The following CNOT2 variants were observed in gnomAD, a reference collection of about 807,000 sequenced individuals.
The protein encoded by CNOT2 is CCR4-NOT transcription complex subunit 2, also known as CC chemokine receptor 4-negative regulator of transcription 2.
Under a neutral mutation model 72.1 loss-of-function variants are expected in CNOT2, and 7 were observed. That is an observed-to-expected ratio of 0.10 (90% CI 0.06 to 0.18). CNOT2 has a LOEUF of 0.18. Ranked by LOEUF, CNOT2 falls within the 10% of genes least tolerant of loss-of-function variation. The pLI, the probability that CNOT2 is intolerant of heterozygous loss-of-function variation, is 1.00. For synonymous variants in CNOT2, 196 were observed against 225.6 expected (o/e 0.87, Z 1.17); for missense variants, 345 against 660.3 (o/e 0.52, Z 5.23).
Position 70,249,620 on chromosome 12 carries a change from G to T in CNOT2, c.-96+6140G>T, listed in dbSNP as rs537732932. Among the ~76,000 whole-genome samples the T allele has an allele frequency of 2.6e-5, 4 of 152,060 alleles. No individual in the cohort carries two copies. In the East Asian group the frequency reaches 5.8e-4, roughly 22 times the overall value. ...GTTTTTGTTTGCATCTGATCATCTT[G>T]CAGATCCTGGATATTTAATCAAATT... On this transcript the variant is annotated intron_variant, in intron 1 of 15. Transcript: ENST00000229195.
In CNOT2 at chr12:70,307,143, T is replaced by C. The variant is rs115385430; in HGVS notation, c.49-3752T>C. Among the ~76,000 whole-genome samples, 425 of 152,334 alleles carry C rather than the reference T, an allele frequency of 2.8e-3. 1 individual carries two copies. The highest frequency in any genetic ancestry group is 8.6e-3 in the African/African-American group (358 of 41,570). On this transcript the variant is annotated intron_variant, in intron 2 of 15. Coordinates refer to ENST00000229195, the MANE Select transcript of CNOT2 (RefSeq NM_014515.7). ...AAAGGCTTAGGACATTACAGTATACTACTGTGGACATTGGAAACACTGTAC... is the reference window on the plus strand; with the variant it reads ...AAAGGCTTAGGACATTACAGTATACCACTGTGGACATTGGAAACACTGTAC...
chr12:70,269,589 C>T (rs1380753346), intron 1 of CNOT2, among the ~76,000 whole-genome samples: 1 of 152,062 alleles, frequency 6.6e-6, no homozygotes, highest in African/African-American at 2.4e-5. Flanking sequence ...AACTTTTAGA[C>T]TTGTGATGAA....
At chr12:70,332,713 A>T (rs1210839887) in intron 6 of CNOT2, 54 bp from the exon 7 acceptor site, 3 of 1,508,022 alleles carry the variant, frequency 2.0e-6, no homozygotes, top group African/African-American at 1.4e-5. Flanking sequence ...GTTTTTCTTC[A>T]TCTGAAAGTT....
chr12:70,322,620 A>G (rs1878475542), intron 4 of CNOT2: 1 of 151,728 alleles, frequency 6.6e-6, no homozygotes, highest in Admixed American at 6.6e-5. Context: ...TCTAGATGGA[A>G]GAAGAGCTAA....
chr12:70,284,548 A>G (rs1490594177), intron 2 of CNOT2, among the ~76,000 whole-genome samples: 1 of 150,656 alleles, frequency 6.6e-6, no homozygotes, highest in African/African-American at 2.4e-5. Flanking sequence ...TGCCGACCTA[A>G]TCTAAATTTT....
chr12:70,294,519 T>C (rs1872513458), intron 2 of CNOT2, among the ~76,000 whole-genome samples: 1 of 152,198 alleles, frequency 6.6e-6, no homozygotes, highest in Admixed American at 6.5e-5. Context: ...AATAAACTAT[T>C]AATATTATAA....
At chr12:70,278,535 A>G (rs1869254023) in intron 2 of CNOT2, 1 of 410,150 alleles carries the variant, frequency 2.4e-6, no homozygotes, top group Non-Finnish European at 4.4e-6. Context: ...ATTATTTGAT[A>G]TACAAGTTAT....
chr12:70,263,378 T>G (rs1407833236), intron 1 of CNOT2, among the ~76,000 whole-genome samples: 1 of 152,144 alleles, frequency 6.6e-6, no homozygotes, highest in Non-Finnish European at 1.5e-5. Context: ...CCTGAGGTTT[T>G]GTTCACATTT....
At position 70,257,737 on chromosome 12, in the gene CNOT2, A is replaced by G. The variant is rs137989521; in HGVS notation, c.-96+14257A>G. 4.3e-3 allele frequency among the ~76,000 whole-genome samples: 659 copies of G among 152,192 alleles called. 1 individual carries two copies. The highest frequency in any genetic ancestry group is 0.015 in the African/African-American group (629 of 41,516). ...TGTAATTAGCTATTACGCTAAAAAA[A>G]TTTTGTCTTTCATTCCACCACTAGA... On this transcript the variant is annotated intron_variant, in intron 1 of 15. Transcript: ENST00000229195.
intron 11 of CNOT2, among the ~76,000 whole-genome samples, chr12:70,339,924 G>A (rs929297318): frequency 1.3e-5 from 2 of 152,104 alleles, no homozygotes; most frequent in Non-Finnish European, 2.9e-5. Flanking sequence ...ATTGACCCAT[G>A]CGTTCTACTT....
intron 1 of CNOT2, among the ~76,000 whole-genome samples, chr12:70,272,350 TAGTC>T (rs1471706549): frequency 1.3e-5 from 2 of 152,124 alleles, no homozygotes; most frequent in Non-Finnish European, 2.9e-5. Flanking sequence ...TGAAAAGAGA[TAGTC>T]AAGCAGACAT....
At chr12:70,328,560 C>T (rs893828015) in intron 4 of CNOT2, among the ~76,000 whole-genome samples, 1 of 151,604 alleles carries the variant, frequency 6.6e-6, no homozygotes, top group South Asian at 2.1e-4. Flanking sequence ...AAAAAATAAA[C>T]GTATGCTGTC....
At chr12:70,318,773 GCA>G (rs766564576) in intron 3 of CNOT2, among the ~76,000 whole-genome samples, 24 of 151,724 alleles carry the variant, frequency 1.6e-4, no homozygotes, top group Non-Finnish European at 2.9e-4. Flanking sequence ...ACGCAAATAT[GCA>G]CACACACATA....
chr12:70,329,770 C>G (rs1014883007), intron 5 of CNOT2, 200 bp downstream of exon 5: 10 of 526,214 alleles, frequency 1.9e-5, no homozygotes, highest in African/African-American at 1.7e-4. Flanking sequence ...AGCTCGCATA[C>G]TGGTTGTCAG....
intron 2 of CNOT2, among the ~76,000 whole-genome samples, chr12:70,287,043 C>G (rs912001942): frequency 2.0e-5 from 3 of 151,674 alleles, no homozygotes; most frequent in South Asian, 4.2e-4. Context: ...TATAATTTAT[C>G]TGTAGGCTTT....
At chr12:70,301,000 T>C (rs963984462) in intron 2 of CNOT2, among the ~76,000 whole-genome samples, 5 of 152,090 alleles carry the variant, frequency 3.3e-5, no homozygotes, top group South Asian at 4.1e-4. Flanking sequence ...TGGGAGTTCT[T>C]TCATGATTTG....
chr12:70,259,842 A>G (rs1289857861), intron 1 of CNOT2, among the ~76,000 whole-genome samples: 2 of 152,208 alleles, frequency 1.3e-5, no homozygotes, highest in African/African-American at 4.8e-5. Context: ...ATGTTGCTAG[A>G]CTTAAATTTG....
chr12:70,315,359 A>G (rs528109786), intron 3 of CNOT2, among the ~76,000 whole-genome samples: 9 of 152,132 alleles, frequency 5.9e-5, no homozygotes, highest in Admixed American at 3.3e-4. Flanking sequence ...CTCTTTGTAG[A>G]TATGGTACAG....
At chr12:70,255,162 G>A (rs1958370661) in intron 1 of CNOT2, among the ~76,000 whole-genome samples, 1 of 151,916 alleles carries the variant, frequency 6.6e-6, no homozygotes, top group African/African-American at 2.4e-5. Flanking sequence ...TGTATCTATA[G>A]CAGGAAATTT....
Sources: allele counts gnomAD v4.1 joint callset (sites outside exome capture counted in the v4.1 genomes callset), GRCh38; gene constraint gnomAD v4.1.1; transcripts MANE v1.5; gene names NCBI Gene and HGNC (gene_info 2026-07-23, HGNC 2026-07-21).